Variants in PCNX2 observed in about 807,000 individuals in gnomAD.
PCNX2 encodes the protein pecanex 2, also known as pecanex-like protein 2.
PCNX2 carries 168 observed loss-of-function variants against 223.8 expected under a neutral mutation model. That is an observed-to-expected ratio of 0.75 (90% CI 0.66 to 0.85). The LOEUF is 0.85. Ranked by LOEUF, PCNX2 falls within the 40% of genes least tolerant of loss-of-function variation. The pLI is 0.00. For synonymous variants in PCNX2, 1,006 were observed against 1,052.6 expected, an observed-to-expected ratio of 0.96 and a Z score of 0.86; for missense variants, 2,507 against 2,675.5, an observed-to-expected ratio of 0.94 and a Z score of 1.39.
chr1:233,223,575 G>A lies in PCNX2; in HGVS notation c.2504+3651C>T, dbSNP rs1354440384. 3.3e-5 allele frequency among the ~76,000 whole-genome samples: 5 copies of A among 152,014 alleles called. No homozygotes were observed. In the East Asian group the frequency reaches 9.7e-4, roughly 29 times the overall value. ...CCGTCATCTAGGTTTTCAGCCCCGC[G>A]TGCATTAGCTATTTGTCCGAATGCT... On this transcript the variant is annotated intron_variant, in intron 10 of 33. Coordinates refer to ENST00000258229, the MANE Select transcript of PCNX2 (RefSeq NM_014801.4).
intron 1 of PCNX2, among the ~76,000 whole-genome samples, chr1:233,273,768 C>T (rs899582069): frequency 5.3e-5 from 8 of 152,096 alleles, no homozygotes; most frequent in Non-Finnish European, 1.2e-4. Context: ...GGATTACAGG[C>T]GCCTGCCACT....
At chr1:233,269,376 A>G (rs772534480) in intron 1 of PCNX2, among the ~76,000 whole-genome samples, 3 of 152,256 alleles carry the variant, frequency 2.0e-5, no homozygotes, top group Admixed American at 6.5e-5. Context: ...AGTAGGCACA[A>G]TAATGTAACA....
chr1:233,154,472 T>C (rs747222057), intron 19 of PCNX2, among the ~76,000 whole-genome samples: 2 of 152,190 alleles, frequency 1.3e-5, no homozygotes, highest in Non-Finnish European at 2.9e-5. Context: ...CAGAGGTACA[T>C]GTGAATCCTC....
At chr1:233,052,893 G>A (rs1048533585) in intron 25 of PCNX2, among the ~76,000 whole-genome samples, 6 of 151,850 alleles carry the variant, frequency 4.0e-5, no homozygotes, top group Non-Finnish European at 8.8e-5. Flanking sequence ...AACTTGGGGG[G>A]CACACAGAGC....
intron 13 of PCNX2, among the ~76,000 whole-genome samples, chr1:233,203,653 C>T (rs1681264223): frequency 6.6e-6 from 1 of 152,142 alleles, no homozygotes; most frequent in Non-Finnish European, 1.5e-5. Context: ...ATCCTTCCCA[C>T]CTGCGCCATG....
At chr1:233,006,751 G>T (rs557191038) in intron 28 of PCNX2, among the ~76,000 whole-genome samples, 4 of 152,296 alleles carry the variant, frequency 2.6e-5, no homozygotes, top group Admixed American at 6.5e-5. Flanking sequence ...GTTATTTACA[G>T]ATTAGCATTG....
intron 25 of PCNX2, among the ~76,000 whole-genome samples, chr1:233,034,399 GAC>G (rs1420337433): frequency 6.6e-6 from 1 of 152,158 alleles, no homozygotes; most frequent in African/African-American, 2.4e-5. Flanking sequence ...GCCCTCACCA[GAC>G]ACTAGATCTG....
intron 1 of PCNX2, chr1:233,291,807 T>C: frequency 1.0e-6 from 1 of 983,786 alleles, no homozygotes; most frequent in Non-Finnish European, 1.2e-6. Flanking sequence ...TAAATATCTC[T>C]CAAGACTAAC....
chr1:233,266,337 G>A (rs1056824461), intron 1 of PCNX2, among the ~76,000 whole-genome samples: 1 of 152,100 alleles, frequency 6.6e-6, no homozygotes, highest in Non-Finnish European at 1.5e-5. Context: ...GAGAGACCCT[G>A]TCTTATTCAT....
In PCNX2 at chr1:233,208,024, T is replaced by C. The variant is rs1024185592; in HGVS notation, c.2863+494A>G. Among the ~76,000 whole-genome samples the C allele has an allele frequency of 3.3e-5, 5 of 152,076 alleles. No individual in the cohort carries two copies. The East Asian group carries it at 9.6e-4, about 29-fold the overall frequency. Reference sequence around the variant, plus strand: ...AAGCTGGAGAGCAATGGCGTGATCTTGGCTCACCGCAACCTCTGCCTCCCG... The same window carrying C: ...AAGCTGGAGAGCAATGGCGTGATCTCGGCTCACCGCAACCTCTGCCTCCCG... On this transcript the variant is annotated intron_variant, in intron 13 of 33. Transcript: ENST00000258229.
intron 28 of PCNX2, among the ~76,000 whole-genome samples, chr1:233,005,254 A>G (rs1670240125): frequency 6.6e-6 from 1 of 152,192 alleles, no homozygotes; most frequent in Admixed American, 6.5e-5. Context: ...CTCCAGATGT[A>G]GAGATGGGGA....
rs533099159 is a variant in PCNX2 at position 233,200,257 on chromosome 1, T to C, written c.2871A>G (p.Leu957=). ...GGAGGGAAATAGCAGGGAAGCAATA[T>C]AAAAATACTGAAAATGAACAAACAA... is the stretch of plus-strand genomic sequence containing the variant. ...QSARDYLIVF[L]YCFPAISLLG... Residue 957 remains leucine (L), a synonymous_variant, in exon 14 of 34, where the codon TTA becomes TTG. Coordinates refer to ENST00000258229, the MANE Select transcript of PCNX2 (RefSeq NM_014801.4). 1.7e-5 allele frequency: 26 copies of C among 1,567,188 alleles called. No individual in the cohort carries two copies. Among genetic ancestry groups the C allele is most frequent in the South Asian group, 1.2e-4 (10 of 84,998 alleles).
chr1:233,259,963 T>A (rs1277434888), intron 4 of PCNX2: 1 of 429,402 alleles, frequency 2.3e-6, no homozygotes, highest in Non-Finnish European at 3.1e-6. Context: ...TTAGAGATAA[T>A]TTAAAGTATA....
intron 25 of PCNX2, among the ~76,000 whole-genome samples, chr1:233,041,866 A>C (rs1001378488): frequency 1.3e-5 from 2 of 152,224 alleles, no homozygotes; most frequent in African/African-American, 4.8e-5. Context: ...GATTCCAAAC[A>C]ACCACAGATT....
chr1:233,141,362 A>G (rs1198943963), intron 19 of PCNX2, among the ~76,000 whole-genome samples: 2 of 152,208 alleles, frequency 1.3e-5, no homozygotes, highest in African/African-American at 4.8e-5. Context: ...AACTACTTTC[A>G]TTTGATTAAA....
At chr1:233,054,089 T>C (rs986004284) in intron 25 of PCNX2, among the ~76,000 whole-genome samples, 179 bp downstream of exon 25, 7 of 152,226 alleles carry the variant, frequency 4.6e-5, no homozygotes, top group African/African-American at 1.7e-4. Flanking sequence ...CTATGTTTTA[T>C]GTTTTTATTC....
chr1:233,167,705 AAAAAAT>A (rs1459689860), intron 17 of PCNX2: 16 of 974,428 alleles, frequency 1.6e-5, no homozygotes, highest in African/African-American at 1.8e-5. Context: ...AAATCTCTTT[AAAAAAT>A]AAAAATATCT....
chr1:233,112,711 G>GTGGTCTCCGT, intron 21 of PCNX2: 1 of 744,556 alleles, frequency 1.3e-6, no homozygotes, highest in African/African-American at 1.9e-5. Flanking sequence ...GTAGATCTTT[G>GTGGTCTCCGT]AACAATATAA....
chr1:233,078,619 G>A (rs537726261), intron 23 of PCNX2, among the ~76,000 whole-genome samples: 2 of 152,246 alleles, frequency 1.3e-5, no homozygotes, highest in African/African-American at 2.4e-5. Context: ...ACAAAGCCTC[G>A]CTCCTGGGTG....
Sources: gnomAD v4.1 joint callset for allele counts (sites outside exome capture counted in the v4.1 genomes callset) on GRCh38, gnomAD v4.1.1 for gene constraint, MANE v1.5 for transcripts, NCBI Gene and HGNC (gene_info 2026-07-23, HGNC 2026-07-21) for gene names.